Variants in MPDZ observed in about 807,000 individuals in gnomAD.
The protein encoded by MPDZ is multiple PDZ domain protein.
A neutral mutation model predicts 239.1 loss-of-function variants in MPDZ; 234 were observed. The observed-to-expected ratio is 0.98, with a 90% CI of 0.88 to 1.09. The LOEUF (loss-of-function observed/expected upper bound fraction) is 1.09. MPDZ is among the 50% of genes least tolerant of loss of function. The probability of loss-of-function intolerance (pLI) is 0.00; values close to 1 mark genes in which losing one functional copy is unlikely to be tolerated. For missense variants in MPDZ, 3,175 were observed against 2,510.0 expected (o/e 1.26, Z -5.66); for synonymous variants, 1,048 against 881.3 (o/e 1.19, Z -3.35).
chr9:13,138,128 G>C lies in MPDZ; in HGVS notation c.4029C>G (p.Thr1343=), dbSNP rs1006506060. 7 of 1,595,378 alleles carry C rather than the reference G, an allele frequency of 4.4e-6. No homozygotes were observed. The highest frequency in any genetic ancestry group is 3.3e-4 in the Middle Eastern group (2 of 5,974). The part of the protein sequence containing the change: ...SWKNIRERYG[T]LTGELHMIEL... ...CAATCATATGCAGCTCGCCTGTTAG[G>C]GTTCCATAACGCTCTCTGATATTTT... The change falls in exon 29 of 47, where the codon ACC becomes ACG. Residue 1343 remains threonine, a synonymous_variant. Transcript: ENST00000319217.
At chr9:13,112,697 G>A (rs1942694406) in intron 42 of MPDZ, among the ~76,000 whole-genome samples, 1 of 152,180 alleles carries the variant, frequency 6.6e-6, no homozygotes. Flanking sequence ...AAGGGAATCT[G>A]TTTCAGAACT....
At chr9:13,111,331 T>G (rs1197819085) in intron 43 of MPDZ, among the ~76,000 whole-genome samples, 2 of 152,254 alleles carry the variant, frequency 1.3e-5, no homozygotes, top group Non-Finnish European at 2.9e-5. Context: ...AATCAGGTTT[T>G]AAGTGTCAGC....
chr9:13,233,629 A>C (rs931231301), intron 3 of MPDZ, among the ~76,000 whole-genome samples: 6 of 152,234 alleles, frequency 3.9e-5, no homozygotes, highest in African/African-American at 1.2e-4. Context: ...TTTTCCCTTT[A>C]ATGTATGTTA....
intron 32 of MPDZ, among the ~76,000 whole-genome samples, chr9:13,128,754 T>C (rs2131909221): frequency 1.3e-5 from 2 of 152,294 alleles, no homozygotes; most frequent in Middle Eastern, 3.4e-3. Context: ...CTTGGAACTT[T>C]TGCTCAGAAG....
At chr9:13,128,767 T>C (rs906733838) in intron 32 of MPDZ, among the ~76,000 whole-genome samples, 6 of 152,192 alleles carry the variant, frequency 3.9e-5, no homozygotes, top group Admixed American at 2.6e-4. Context: ...CTCAGAAGGC[T>C]TGAACAGCCA....
intron 21 of MPDZ, among the ~76,000 whole-genome samples, chr9:13,171,367 C>T (rs12553978): frequency 0.027 from 4,049 of 152,224 alleles, 134 homozygotes; most frequent in Admixed American, 0.11. Flanking sequence ...CCTTGGGTAA[C>T]TCAAGTACTG....
chr9:13,165,040 G>A (rs562580104), intron 22 of MPDZ, among the ~76,000 whole-genome samples: 11 of 152,268 alleles, frequency 7.2e-5, no homozygotes, highest in Middle Eastern at 3.4e-3. Flanking sequence ...TAGAGATGCT[G>A]AAATGTGATA....
At chr9:13,227,834 A>C (rs1961117620) in intron 3 of MPDZ, among the ~76,000 whole-genome samples, 1 of 152,178 alleles carries the variant, frequency 6.6e-6, no homozygotes, top group Admixed American at 6.6e-5. Context: ...AGCAGAGGTT[A>C]TAGAGATCAC....
At chr9:13,186,419 G>A (rs768296611) in intron 17 of MPDZ, 33 bp from the exon 18 acceptor site, 1 of 1,396,682 alleles carries the variant, frequency 7.2e-7, no homozygotes, top group Admixed American at 2.0e-5. Context: ...ATGGAAAAGA[G>A]AGAGAACAGC....
rs992756986 is a variant in MPDZ, at chr9:13,178,250, C to T, written c.2650-1833G>A. Among the ~76,000 whole-genome samples the T allele has an allele frequency of 4.6e-4, 56 of 122,844 alleles. No individual in the cohort carries two copies. The Admixed American group carries it at 4.8e-3, about 11-fold the overall frequency. The allele number at this position is 122,844 out of a possible 152,430, so 80.6% of individuals were successfully genotyped here. Reference sequence around the variant, plus strand: ...CTCCAGCCTGGGTAACAGAGCGAGACTGCATCTCAAAAAAAAAAAAAAAAA... The same window carrying T: ...CTCCAGCCTGGGTAACAGAGCGAGATTGCATCTCAAAAAAAAAAAAAAAAA... On this transcript the variant is annotated intron_variant, in intron 19 of 46. Coordinates refer to ENST00000319217, the MANE Select transcript of MPDZ (RefSeq NM_001378778.1).
At position 13,188,804 on chromosome 9, in the gene MPDZ, C is replaced by T. The variant is rs192227753; in HGVS notation, c.2344G>A (p.Gly782Arg). 2,735 of 1,613,262 alleles carry T rather than the reference C, an allele frequency of 1.7e-3. 21 individuals carry two copies. Among genetic ancestry groups the T allele is most frequent in the Middle Eastern group, 4.8e-3 (29 of 6,048 alleles). The stretch of plus-strand genomic sequence containing the variant: ...CTTACGGGTAAAGGCTTAGCAACTC[C>T]TATTCTCACAGTCCCTGACGGTGCT... ...KGAPSGTVRIGVAKPLPLSPE... is the reference protein window; with the variant it reads ...KGAPSGTVRIRVAKPLPLSPE... Residue 782 changes from glycine to arginine, a missense_variant, in exon 17 of 47, where the codon GGA (glycine) becomes AGA (arginine). Transcript: ENST00000319217.
intron 39 of MPDZ, among the ~76,000 whole-genome samples, chr9:13,115,950 CAAAAAAAAA>C (rs71491603): frequency 1.2e-4 from 5 of 40,616 alleles, no homozygotes; most frequent in African/African-American, 3.9e-4. Flanking sequence ...GACTCCACCT[CAAAAAAAAA>C]AAAAAAAAAA....
chr9:13,119,455 T>G, intron 39 of MPDZ, 47 bp downstream of exon 39: 3 of 1,563,838 alleles, frequency 1.9e-6, no homozygotes, highest in Non-Finnish European at 2.6e-6. Flanking sequence ...TAAAATTATC[T>G]TTTTTCTTCT....
At chr9:13,167,566 C>G (rs1222699550) in intron 22 of MPDZ, among the ~76,000 whole-genome samples, 1 of 152,082 alleles carries the variant, frequency 6.6e-6, no homozygotes, top group Non-Finnish European at 1.5e-5. Flanking sequence ...GTCCCCCATA[C>G]TAGTAATCAT....
chr9:13,133,742 C>T, intron 32 of MPDZ, 82 bp downstream of exon 32: 1 of 978,526 alleles, frequency 1.0e-6, no homozygotes. Flanking sequence ...AATCTGGAGA[C>T]CACACTTTTG....
chr9:13,135,948 C>G (rs1263588362), intron 31 of MPDZ, 144 bp downstream of exon 31: 1 of 554,510 alleles, frequency 1.8e-6, no homozygotes, highest in African/African-American at 1.9e-5. Flanking sequence ...TCTTCTTATA[C>G]TAGGATGTAC....
intron 32 of MPDZ, among the ~76,000 whole-genome samples, chr9:13,130,660 G>A (rs539022642): frequency 6.6e-6 from 1 of 152,320 alleles, no homozygotes; most frequent in Non-Finnish European, 1.5e-5. Flanking sequence ...GAATATTGAA[G>A]TAATATTTCA....
chr9:13,206,865 G>C (rs1219892225), intron 10 of MPDZ, among the ~76,000 whole-genome samples: 4 of 152,192 alleles, frequency 2.6e-5, no homozygotes, highest in South Asian at 4.1e-4. Flanking sequence ...AATTTGTAGA[G>C]ATGGGGTCTC....
chr9:13,255,131 T>C (rs1969119483), intron 1 of MPDZ, among the ~76,000 whole-genome samples: 1 of 152,200 alleles, frequency 6.6e-6, no homozygotes, highest in Admixed American at 6.5e-5. Flanking sequence ...CAGGCATACA[T>C]TTCATCTCAA....
Sources: gnomAD v4.1 joint callset for allele counts (sites outside exome capture counted in the v4.1 genomes callset) on GRCh38, gnomAD v4.1.1 for gene constraint, MANE v1.5 for transcripts, NCBI Gene and HGNC (gene_info 2026-07-23, HGNC 2026-07-21) for gene names.